The following MAGI2 variants were observed in gnomAD, a reference collection of about 807,000 sequenced individuals.
MAGI2 encodes membrane associated guanylate kinase, WW and PDZ domain containing 2, also known as membrane-associated guanylate kinase, WW and PDZ domain-containing protein 2.
A neutral mutation model predicts 133.3 loss-of-function variants in MAGI2; 35 were observed. The ratio of observed to expected loss-of-function variants is 0.26; its 90% confidence interval spans 0.20 to 0.35. The LOEUF is 0.35. MAGI2 is among the 10% of genes least tolerant of loss of function. MAGI2 has a pLI of 1.00. For synonymous variants in MAGI2, 729 were observed against 710.6 expected (o/e 1.03, Z -0.41); for missense variants, 1,636 against 1,863.4 (o/e 0.88, Z 2.25).
At chr7:78,069,650 TC>T (rs984904368) in intron 21 of MAGI2, among the ~76,000 whole-genome samples, 2 of 152,084 alleles carry the variant, frequency 1.3e-5, no homozygotes, top group African/African-American at 4.8e-5. Context: ...CCATATTTGA[TC>T]TTGTCCCTTG....
chr7:79,167,710 T>TA (rs5885117), intron 1 of MAGI2, among the ~76,000 whole-genome samples: 8,544 of 152,120 alleles, frequency 0.056, 499 homozygotes, highest in East Asian at 0.15. Context: ...ACTTTTTTTT[T>TA]AGGAAGAATT....
intron 6 of MAGI2, among the ~76,000 whole-genome samples, chr7:78,459,945 G>C (rs1162151644): frequency 1.3e-5 from 2 of 152,212 alleles, no homozygotes; most frequent in African/African-American, 4.8e-5. Flanking sequence ...GATTTCACAA[G>C]TGCTGAATTA....
intron 2 of MAGI2, among the ~76,000 whole-genome samples, chr7:78,907,697 C>G (rs1402697277): frequency 6.6e-6 from 1 of 152,112 alleles, no homozygotes; most frequent in Non-Finnish European, 1.5e-5. Flanking sequence ...ATTTACCTGA[C>G]TGTCACAGGA....
chr7:78,210,194 G>T (rs1019892833), intron 10 of MAGI2, among the ~76,000 whole-genome samples: 2 of 152,116 alleles, frequency 1.3e-5, no homozygotes, highest in African/African-American at 4.8e-5. Flanking sequence ...CATTAGTGGA[G>T]ATATTATACC....
At chr7:78,768,160 T>C (rs543221368) in intron 2 of MAGI2, among the ~76,000 whole-genome samples, 6 of 152,230 alleles carry the variant, frequency 3.9e-5, no homozygotes, top group Non-Finnish European at 8.8e-5. Context: ...CTCTTAGCTT[T>C]ACAAACATGG....
At chr7:78,615,823 T>C (rs1024063151) in intron 3 of MAGI2, 4 of 152,210 alleles carry the variant, frequency 2.6e-5, no homozygotes, top group African/African-American at 7.2e-5. Flanking sequence ...ACTATTAGTA[T>C]TCATACTTAA....
chr7:78,152,423 A>G (rs1378104388), intron 16 of MAGI2, among the ~76,000 whole-genome samples: 1 of 152,182 alleles, frequency 6.6e-6, no homozygotes, highest in Non-Finnish European at 1.5e-5. Flanking sequence ...TATTTGTATC[A>G]GGAGTGTTAT....
intron 2 of MAGI2, among the ~76,000 whole-genome samples, chr7:78,813,557 G>A (rs879447498): frequency 1.3e-5 from 2 of 152,046 alleles, no homozygotes; most frequent in Non-Finnish European, 2.9e-5. Flanking sequence ...AGGCCGAGAC[G>A]GGCGGATCAC....
At chr7:78,393,505 G>T (rs2151321440) in intron 6 of MAGI2, among the ~76,000 whole-genome samples, 1 of 152,258 alleles carries the variant, frequency 6.6e-6, no homozygotes, top group South Asian at 2.1e-4. Flanking sequence ...GTCCACAACT[G>T]GTTTTGCCAC....
chr7:78,551,675 T>G (rs1432040622), intron 3 of MAGI2, among the ~76,000 whole-genome samples: 1 of 152,226 alleles, frequency 6.6e-6, no homozygotes, highest in Non-Finnish European at 1.5e-5. Context: ...CTGTTGTGCT[T>G]GAATTATACG....
intron 1 of MAGI2, among the ~76,000 whole-genome samples, chr7:79,216,316 C>T (rs955877678): frequency 1.3e-5 from 2 of 152,016 alleles, no homozygotes; most frequent in Middle Eastern, 3.4e-3. Context: ...GAGCCACCTC[C>T]ACCACTCAAT....
chr7:79,159,824 C>G (rs1253754481), intron 1 of MAGI2, among the ~76,000 whole-genome samples: 1 of 152,102 alleles, frequency 6.6e-6, no homozygotes, highest in East Asian at 1.9e-4. Context: ...TCTAAAGTAA[C>G]AGAATTTTCT....
chr7:78,666,420 G>A (rs1813593512), intron 2 of MAGI2, among the ~76,000 whole-genome samples: 1 of 152,110 alleles, frequency 6.6e-6, no homozygotes. Context: ...CTTGTTTGGG[G>A]GTTTTTCTAT....
At chr7:78,892,936 A>T (rs1411826225) in intron 2 of MAGI2, among the ~76,000 whole-genome samples, 5 of 152,244 alleles carry the variant, frequency 3.3e-5, no homozygotes, top group Admixed American at 2.6e-4. Flanking sequence ...ATCAGAGTGA[A>T]CAGGCAACCT....
chr7:78,500,036 C>G (rs1794479409), intron 5 of MAGI2, among the ~76,000 whole-genome samples: 1 of 152,042 alleles, frequency 6.6e-6, no homozygotes, highest in African/African-American at 2.4e-5. Flanking sequence ...ATTCTTATTC[C>G]TTTTAAAATT....
At chr7:78,549,898 C>T (rs1173616220) in intron 3 of MAGI2, among the ~76,000 whole-genome samples, 2 of 152,136 alleles carry the variant, frequency 1.3e-5, no homozygotes, top group Non-Finnish European at 2.9e-5. Flanking sequence ...GAGTTTCACC[C>T]TTAACTTCTA....
intron 1 of MAGI2, among the ~76,000 whole-genome samples, chr7:79,295,040 A>G (rs1033996076): frequency 6.6e-6 from 1 of 151,906 alleles, no homozygotes; most frequent in South Asian, 2.1e-4. Context: ...AACTGGCCAT[A>G]TTGTGGTAGT....
At chr7:78,299,613 T>C (rs1269746597) in intron 9 of MAGI2, among the ~76,000 whole-genome samples, 1 of 152,184 alleles carries the variant, frequency 6.6e-6, no homozygotes, top group Non-Finnish European at 1.5e-5. Context: ...TTCCAACTTT[T>C]AAGTTTAGGG....
At chr7:78,124,331 G>A (rs1050885072) in intron 20 of MAGI2, among the ~76,000 whole-genome samples, 2 of 152,220 alleles carry the variant, frequency 1.3e-5, no homozygotes, top group Non-Finnish European at 2.9e-5. Context: ...GGAGGCTGGT[G>A]CTAGATCACG....
Sources: allele counts gnomAD v4.1 joint callset (sites outside exome capture counted in the v4.1 genomes callset), GRCh38; gene constraint gnomAD v4.1.1; transcripts MANE v1.5; gene names NCBI Gene and HGNC (gene_info 2026-07-23, HGNC 2026-07-21).